Variants in TRAM2 observed in about 807,000 individuals in gnomAD.
The protein encoded by TRAM2 is translocation associated membrane protein 2.
In TRAM2, 12 loss-of-function variants were observed where a neutral mutation model predicts 51.0. The observed-to-expected ratio is 0.24, with a 90% CI of 0.15 to 0.38. The LOEUF (loss-of-function observed/expected upper bound fraction) is 0.38, where lower values mean the gene tolerates loss of function less well. Ranked by LOEUF, TRAM2 falls within the 10% of genes least tolerant of loss-of-function variation. The pLI, the probability that TRAM2 is intolerant of heterozygous loss-of-function variation, is 1.00. For missense variants in TRAM2, 361 were observed against 462.0 expected (o/e 0.78, Z 2.00); for synonymous variants, 175 against 179.4 (o/e 0.98, Z 0.20).
rs1767221310 is a variant in TRAM2, at chr6:52,547,275, T to C, written c.121-11429A>G. Among the ~76,000 whole-genome samples, 3 of 152,142 alleles carry C rather than the reference T, an allele frequency of 2.0e-5. No individual in the cohort carries two copies. In the South Asian group the frequency reaches 6.2e-4, roughly 32 times the overall value. On this transcript the variant is annotated intron_variant, in intron 1 of 10. Transcript: ENST00000182527. Reference sequence around the variant, plus strand: ...CTAGAGAGGATGATCTCCTGGGAATTACACCAATCCAACGGGTATTTCTTC... The same window carrying C: ...CTAGAGAGGATGATCTCCTGGGAATCACACCAATCCAACGGGTATTTCTTC...
At chr6:52,552,579 T>G (rs1304995221) in intron 1 of TRAM2, among the ~76,000 whole-genome samples, 1 of 152,230 alleles carries the variant, frequency 6.6e-6, no homozygotes, top group Non-Finnish European at 1.5e-5. Context: ...AAGGGTGTTC[T>G]CTGAAGTCCC....
At chr6:52,574,356 G>A (rs140867888) in intron 1 of TRAM2, among the ~76,000 whole-genome samples, 6 of 152,246 alleles carry the variant, frequency 3.9e-5, no homozygotes, top group Admixed American at 1.3e-4. Flanking sequence ...CCACCCCCAG[G>A]AATACTTATC....
chr6:52,561,487 C>CTT (rs61175622), intron 1 of TRAM2, among the ~76,000 whole-genome samples: 47 of 130,264 alleles, frequency 3.6e-4, no homozygotes, highest in Middle Eastern at 8.3e-3. Flanking sequence ...GTTTCTTTTT[C>CTT]TTTTTTTTTT....
Position 52,506,124 on chromosome 6 carries a change from C to T in TRAM2, c.639G>A (p.Leu213=), listed in dbSNP as rs565800927. ...ACTGCAGCAGCAGCAAGATCAGGCC[C>T]AGGCGGCTCAGGCTGGGGGTGGGGA... The part of the protein sequence containing the change: ...AGAYLLNLSR[L]GLILLLLQYS... The change falls in exon 8 of 11, where the codon CTG becomes CTA. Residue 213 remains leucine (L), a synonymous_variant. Coordinates refer to ENST00000182527, the MANE Select transcript of TRAM2 (RefSeq NM_012288.4). 6.2e-7 allele frequency: 1 copy of T among 1,613,910 alleles called. No individual in the cohort carries two copies. Among genetic ancestry groups the T allele is most frequent in the African/African-American group, 1.3e-5 (1 of 75,048 alleles).
chr6:52,528,557 C>G (rs1766824472), intron 2 of TRAM2, among the ~76,000 whole-genome samples: 2 of 152,134 alleles, frequency 1.3e-5, no homozygotes, highest in Admixed American at 6.5e-5. Context: ...GGCTTTAAAA[C>G]CATCTGTCTG....
intron 1 of TRAM2, among the ~76,000 whole-genome samples, chr6:52,538,718 G>A (rs537890435): frequency 1.7e-4 from 26 of 152,306 alleles, no homozygotes; most frequent in Middle Eastern, 3.4e-3. Context: ...ATTCCAATGC[G>A]CTGCCAAGTC....
chr6:52,535,635 T>G (rs188977570), intron 2 of TRAM2, 148 bp downstream of exon 2: 1 of 606,576 alleles, frequency 1.6e-6, no homozygotes, highest in Admixed American at 3.0e-5. Flanking sequence ...GAGCCAAGAT[T>G]GTGCCACTGC....
At chr6:52,556,421 C>T (rs1358579647) in intron 1 of TRAM2, among the ~76,000 whole-genome samples, 1 of 151,972 alleles carries the variant, frequency 6.6e-6, no homozygotes, top group African/African-American at 2.4e-5. Context: ...GCTGGAAGTA[C>T]AGGCATGTGC....
In TRAM2 at chr6:52,541,408, G is replaced by A. The variant is rs182781459; in HGVS notation, c.121-5562C>T. 1.8e-4 allele frequency among the ~76,000 whole-genome samples: 28 copies of A among 152,232 alleles called. 1 individual carries two copies. The highest frequency in any genetic ancestry group is 1.0e-3 in the South Asian group (5 of 4,822). On this transcript the variant is annotated intron_variant, in intron 1 of 10. Transcript: ENST00000182527. The stretch of plus-strand genomic sequence containing the variant: ...TAAAGCCAAAGGAGCAGCTCAGAAC[G>A]AATGTCCTTAAAGGTCCTTCTCACC...
intron 4 of TRAM2, among the ~76,000 whole-genome samples, chr6:52,512,024 C>A (rs1319478301): frequency 6.6e-6 from 1 of 152,178 alleles, no homozygotes. Context: ...CCCACCCACT[C>A]TGTCGGGCAT....
At chr6:52,521,856 C>T (rs1055864467) in intron 2 of TRAM2, among the ~76,000 whole-genome samples, 12 of 152,182 alleles carry the variant, frequency 7.9e-5, no homozygotes, top group African/African-American at 2.9e-4. Context: ...GAACAGCAAT[C>T]GTTTGGCAAT....
chr6:52,575,814 C>T (rs1767753790), intron 1 of TRAM2, among the ~76,000 whole-genome samples: 1 of 152,224 alleles, frequency 6.6e-6, no homozygotes, highest in African/African-American at 2.4e-5. Context: ...GGGAATGTCG[C>T]TCACATATCT....
At position 52,535,770 on chromosome 6, in the gene TRAM2, C is replaced by T; in HGVS notation, c.184+13G>A. 1 of 1,609,356 alleles carries T rather than the reference C, an allele frequency of 6.2e-7. No individual in the cohort carries two copies. The highest frequency in any genetic ancestry group is 8.5e-7 in the Non-Finnish European group (1 of 1,176,076). On this transcript the variant is annotated intron_variant, in intron 2 of 10. Transcript: ENST00000182527. ...AACAGGGCCAGGAGAAGATGGAGAC[C>T]AGTGATTCTTACCTGCTGTAGGCAC...
chr6:52,555,771 G>A (rs1767394591), intron 1 of TRAM2, among the ~76,000 whole-genome samples: 1 of 152,094 alleles, frequency 6.6e-6, no homozygotes, highest in African/African-American at 2.4e-5. Context: ...ATACTATTGA[G>A]TGGGAAAAAA....
intron 1 of TRAM2, among the ~76,000 whole-genome samples, chr6:52,572,562 C>T (rs1052417315): frequency 6.6e-6 from 1 of 152,182 alleles, no homozygotes; most frequent in African/African-American, 2.4e-5. Flanking sequence ...GAGATTGCAC[C>T]ACTGCACTCC....
At chr6:52,503,363 G>A in intron 10 of TRAM2, 93 bp from the exon 11 acceptor site, 1 of 1,163,186 alleles carries the variant, frequency 8.6e-7, no homozygotes, top group Non-Finnish European at 1.3e-6. Flanking sequence ...AAGGGGCCCG[G>A]GCAGCCCAGC....
chr6:52,507,163 G>C (rs1430449711), intron 7 of TRAM2, among the ~76,000 whole-genome samples: 2 of 152,204 alleles, frequency 1.3e-5, no homozygotes, highest in South Asian at 4.1e-4. Context: ...CTCTAGCAGT[G>C]TTTGCATTGG....
chr6:52,529,137 C>T (rs1427519773), intron 2 of TRAM2, among the ~76,000 whole-genome samples: 5 of 152,094 alleles, frequency 3.3e-5, no homozygotes, highest in Non-Finnish European at 7.4e-5. Flanking sequence ...TTGATCCGCC[C>T]GCCTCGGCCT....
chr6:52,535,077 G>A (rs1317734913), intron 2 of TRAM2, among the ~76,000 whole-genome samples: 2 of 152,082 alleles, frequency 1.3e-5, no homozygotes, highest in Admixed American at 1.3e-4. Flanking sequence ...CAGCACCCTG[G>A]GCCCCAACCA....
Sources: allele counts gnomAD v4.1 joint callset (sites outside exome capture counted in the v4.1 genomes callset), GRCh38; gene constraint gnomAD v4.1.1; transcripts MANE v1.5; gene names NCBI Gene and HGNC (gene_info 2026-07-23, HGNC 2026-07-21).